TRPS1: variants seen among roughly 807,000 people sequenced by gnomAD.
The protein encoded by TRPS1 is zinc finger transcription factor Trps1.
A neutral mutation model predicts 101.2 loss-of-function variants in TRPS1; 6 were observed. The observed-to-expected ratio is 0.06, with a 90% CI of 0.03 to 0.12. The LOEUF (loss-of-function observed/expected upper bound fraction) is 0.12. TRPS1 is among the 10% of genes least tolerant of loss of function. TRPS1 has a pLI of 1.00. For missense variants in TRPS1, 1,363 were observed against 1,567.0 expected, an observed-to-expected ratio of 0.87 and a Z score of 2.20; for synonymous variants, 578 against 589.8, an observed-to-expected ratio of 0.98 and a Z score of 0.29.
At chr8:115,448,759 G>T (rs1011373852) in intron 5 of TRPS1, among the ~76,000 whole-genome samples, 6 of 151,912 alleles carry the variant, frequency 3.9e-5, no homozygotes, top group African/African-American at 1.2e-4. Context: ...TTTATTTTTC[G>T]GACCATCACC....
In TRPS1 at chr8:115,410,597, G is replaced by C. The variant is rs1057278995; in HGVS notation, c.*3426C>G. On this transcript the variant is annotated 3_prime_UTR_variant, in exon 7 of 7. Coordinates refer to ENST00000395715, the MANE Select transcript of TRPS1 (RefSeq NM_014112.5). ...TTTCTCATATACTTGGAGTCATGTA[G>C]TGTCTCTCTCAATCCACAACGTTCT... 2.0e-5 allele frequency: 3 copies of C among 152,434 alleles called. No homozygotes were observed. Among genetic ancestry groups the C allele is most frequent in the Non-Finnish European group, 4.4e-5 (3 of 67,980 alleles). The allele number at this position is 152,434 out of a possible 1,614,324, so 9.4% of individuals were successfully genotyped here.
chr8:115,415,963 T>A (rs1201875007), intron 6 of TRPS1, among the ~76,000 whole-genome samples: 1 of 152,114 alleles, frequency 6.6e-6, no homozygotes, highest in Non-Finnish European at 1.5e-5. Context: ...AGGAAAGATA[T>A]CAGGTCATCA....
At chr8:115,462,644 T>C (rs973777669) in intron 5 of TRPS1, among the ~76,000 whole-genome samples, 6 of 148,184 alleles carry the variant, frequency 4.0e-5, no homozygotes, top group Non-Finnish European at 8.9e-5. Context: ...TCTCTCTCTT[T>C]TTTTTTTTTT....
chr8:115,488,752 T>G (rs576701308), intron 5 of TRPS1, among the ~76,000 whole-genome samples: 3 of 152,226 alleles, frequency 2.0e-5, no homozygotes, highest in Admixed American at 1.3e-4. Flanking sequence ...AGACCACATT[T>G]TCCCTTCTCA....
intron 5 of TRPS1, among the ~76,000 whole-genome samples, chr8:115,551,426 C>A (rs1354708523): frequency 6.6e-6 from 1 of 152,044 alleles, no homozygotes; most frequent in Non-Finnish European, 1.5e-5. Context: ...TTCCTCTGGC[C>A]TTCTCGGGAG....
At chr8:115,624,580 T>A (rs754636481) in intron 1 of TRPS1, among the ~76,000 whole-genome samples, 2 of 151,996 alleles carry the variant, frequency 1.3e-5, no homozygotes, top group Admixed American at 6.6e-5. Context: ...ATATAAGACA[T>A]TCCATCTGTA....
chr8:115,421,048 G>A (rs994178088), intron 5 of TRPS1, among the ~76,000 whole-genome samples: 18 of 149,860 alleles, frequency 1.2e-4, no homozygotes, highest in Middle Eastern at 3.5e-3. Context: ...AATGGCACAC[G>A]ATCTTGGCTC....
intron 5 of TRPS1, among the ~76,000 whole-genome samples, chr8:115,475,367 A>G (rs1262233232): frequency 4.0e-5 from 6 of 149,826 alleles, no homozygotes; most frequent in Non-Finnish European, 8.9e-5. Context: ...TCCTTGTAAA[A>G]CCTGGATCAC....
intron 6 of TRPS1, among the ~76,000 whole-genome samples, chr8:115,417,729 T>C (rs1417686559): frequency 6.6e-6 from 1 of 152,156 alleles, no homozygotes; most frequent in African/African-American, 2.4e-5. Flanking sequence ...CACCTTACTC[T>C]ACCCTGGTGT....
intron 5 of TRPS1, among the ~76,000 whole-genome samples, chr8:115,528,261 TAA>T (rs1241510864): frequency 6.6e-6 from 1 of 152,070 alleles, no homozygotes; most frequent in Non-Finnish European, 1.5e-5. Context: ...TACATAACTA[TAA>T]GATTATTGTG....
At position 115,497,370 on chromosome 8, in the gene TRPS1, C is replaced by T. The variant is rs553511172; in HGVS notation, c.2701-78918G>A. ...TGCTGATCTGATAGGAGGCGGAGCT[C>T]GGGCCATCATGCTCCCTCAACAGCC... On this transcript the variant is annotated intron_variant, in intron 5 of 6. Coordinates refer to ENST00000395715, the MANE Select transcript of TRPS1 (RefSeq NM_014112.5). Among the ~76,000 whole-genome samples, 16 of 152,306 alleles carry T rather than the reference C, an allele frequency of 1.1e-4. No individual in the cohort carries two copies. In the East Asian group the frequency reaches 2.5e-3, roughly 24 times the overall value.
chr8:115,553,980 T>A lies in TRPS1; in HGVS notation c.2700+33021A>T, dbSNP rs1403285999. ...TTGAATTCCAAATTTATAGTCTTTA[T>A]TAAACACTTACTTTTTTCCAAAAAT... On this transcript the variant is annotated intron_variant, in intron 5 of 6. Coordinates refer to ENST00000395715, the MANE Select transcript of TRPS1 (RefSeq NM_014112.5). Among the ~76,000 whole-genome samples, 18 of 152,316 alleles carry A rather than the reference T, an allele frequency of 1.2e-4. No individual in the cohort carries two copies. The South Asian group carries it at 3.7e-3, about 32-fold the overall frequency.
At chr8:115,451,469 G>A (rs1006569787) in intron 5 of TRPS1, among the ~76,000 whole-genome samples, 1 of 152,108 alleles carries the variant, frequency 6.6e-6, no homozygotes, top group Non-Finnish European at 1.5e-5. Context: ...GAATGGAACT[G>A]ATGAACACAT....
intron 5 of TRPS1, among the ~76,000 whole-genome samples, chr8:115,487,790 G>A (rs1814921749): frequency 6.6e-6 from 1 of 152,060 alleles, no homozygotes; most frequent in Non-Finnish European, 1.5e-5. Flanking sequence ...TTATGGATGA[G>A]CAAAAAAAGT....
chr8:115,441,757 A>G (rs1813598037), intron 5 of TRPS1, among the ~76,000 whole-genome samples: 1 of 152,176 alleles, frequency 6.6e-6, no homozygotes, highest in Non-Finnish European at 1.5e-5. Flanking sequence ...TTATTTTATG[A>G]GGTAACTATT....
At chr8:115,472,240 T>C (rs1814490337) in intron 5 of TRPS1, among the ~76,000 whole-genome samples, 1 of 152,230 alleles carries the variant, frequency 6.6e-6, no homozygotes, top group South Asian at 2.1e-4. Context: ...TAGGCCAATG[T>C]TCCCAAACCT....
chr8:115,512,223 T>G (rs1229711588), intron 5 of TRPS1, among the ~76,000 whole-genome samples: 1 of 151,696 alleles, frequency 6.6e-6, no homozygotes, highest in Non-Finnish European at 1.5e-5. Flanking sequence ...AAACAGTATG[T>G]TCATGTACTT....
chr8:115,415,016 C>T lies in TRPS1; in HGVS notation c.2892G>A (p.Lys964=). The change falls in exon 7 of 7, where the codon AAG becomes AAA. Residue 964 remains lysine, a synonymous_variant. Coordinates refer to ENST00000395715, the MANE Select transcript of TRPS1 (RefSeq NM_014112.5). ...CCTGAAGTGCCTCTGGGTTAAGGCG[C>T]TTTCTTGTTCTCCTCCTAATAATCT... ...GEQIIRRRTR[K]RLNPEALQAE... 1.9e-6 allele frequency: 3 copies of T among 1,577,986 alleles called. No individual in the cohort carries two copies. Among genetic ancestry groups the T allele is most frequent in the East Asian group, 4.5e-5 (2 of 44,778 alleles).
chr8:115,614,606 G>A (rs568747423), intron 3 of TRPS1, among the ~76,000 whole-genome samples: 1 of 152,290 alleles, frequency 6.6e-6, no homozygotes, highest in South Asian at 2.1e-4. Flanking sequence ...AGGAGACACA[G>A]TCCTGAAAAA....
Sources: allele counts gnomAD v4.1 joint callset (sites outside exome capture counted in the v4.1 genomes callset), GRCh38; gene constraint gnomAD v4.1.1; transcripts MANE v1.5; gene names NCBI Gene and HGNC (gene_info 2026-07-23, HGNC 2026-07-21).